The following FYB1 variants were observed in gnomAD, a reference collection of about 807,000 sequenced individuals.
The protein encoded by FYB1 is FYN-binding protein 1.
In FYB1, 41 loss-of-function variants were observed where a neutral mutation model predicts 94.1. That is an observed-to-expected ratio of 0.44 (90% confidence interval 0.34 to 0.57). The LOEUF (loss-of-function observed/expected upper bound fraction) is 0.57. FYB1 is among the 20% of genes least tolerant of loss of function. The probability of loss-of-function intolerance (pLI) is 0.02; values close to 1 mark genes in which losing one functional copy is unlikely to be tolerated. For missense variants in FYB1, 1,050 were observed against 976.8 expected (o/e 1.07, Z -1.00); for synonymous variants, 367 against 353.2 (o/e 1.04, Z -0.44).
Position 39,193,151 on chromosome 5 carries a change from C to A in FYB1, c.1135+8675G>T, listed in dbSNP as rs1046377043. 7.2e-5 allele frequency among the ~76,000 whole-genome samples: 11 copies of A among 152,268 alleles called. No individual in the cohort carries two copies. In the South Asian group the frequency reaches 1.7e-3, roughly 23 times the overall value. On this transcript the variant is annotated intron_variant, in intron 2 of 18. Coordinates refer to ENST00000512982, the MANE Select transcript of FYB1 (RefSeq NM_001465.6). The stretch of plus-strand genomic sequence containing the variant: ...GACTTGGGGAGGGGTTAGAGGACAC[C>A]TGAGTGTCCTTGACCAGTGAGCATG...
chr5:39,255,157 G>T (rs66913031), intron 1 of FYB1, among the ~76,000 whole-genome samples: 1 of 151,880 alleles, frequency 6.6e-6, no homozygotes, highest in Admixed American at 6.6e-5. Context: ...GGGGGAAAAG[G>T]TTTATTGTGG....
chr5:39,230,601 C>G (rs1468842935), intron 1 of FYB1, among the ~76,000 whole-genome samples: 1 of 151,910 alleles, frequency 6.6e-6, no homozygotes, highest in East Asian at 1.9e-4. Flanking sequence ...TATACATATT[C>G]TTCCACATCC....
At chr5:39,254,333 T>C (rs913625442) in intron 1 of FYB1, among the ~76,000 whole-genome samples, 1 of 152,214 alleles carries the variant, frequency 6.6e-6, no homozygotes, top group South Asian at 2.1e-4. Flanking sequence ...GCGTTCTTTT[T>C]TCTCCACAAC....
intron 1 of FYB1, among the ~76,000 whole-genome samples, chr5:39,258,729 T>C (rs1163256629): frequency 1.3e-5 from 2 of 152,062 alleles, no homozygotes; most frequent in Middle Eastern, 3.2e-3. Context: ...AGCTTTTGGC[T>C]CTCTCACTGA....
intron 1 of FYB1, among the ~76,000 whole-genome samples, chr5:39,247,105 T>TATAC (rs1554044463): frequency 1.5e-4 from 21 of 141,990 alleles, no homozygotes; most frequent in African/African-American, 5.5e-4. Flanking sequence ...TATATATATA[T>TATAC]ATATATATAT....
intron 9 of FYB1, among the ~76,000 whole-genome samples, chr5:39,131,082 G>A (rs989395690): frequency 1.3e-5 from 2 of 152,028 alleles, no homozygotes; most frequent in Admixed American, 1.3e-4. Context: ...TTTAAAGGGA[G>A]AACTTTAAAA....
At position 39,115,605 on chromosome 5, in the gene FYB1, A is replaced by G. The variant is rs552612236; in HGVS notation, c.2401+3269T>C. Reference sequence around the variant, plus strand: ...TAAGGGCAAAGATAGACATATCACTAGAAAGGCTATTGCAATCATCTAGGA... The same window carrying G: ...TAAGGGCAAAGATAGACATATCACTGGAAAGGCTATTGCAATCATCTAGGA... On this transcript the variant is annotated intron_variant, in intron 16 of 18. Coordinates refer to ENST00000512982, the MANE Select transcript of FYB1 (RefSeq NM_001465.6). 8.5e-5 allele frequency among the ~76,000 whole-genome samples: 13 copies of G among 152,240 alleles called. No homozygotes were observed. In the South Asian group the frequency reaches 2.7e-3, roughly 32 times the overall value.
intron 2 of FYB1, among the ~76,000 whole-genome samples, chr5:39,170,658 G>A (rs148897689): frequency 0.01 from 1,538 of 152,004 alleles, 8 homozygotes; most frequent in Non-Finnish European, 0.016. Context: ...GCCTACAGCT[G>A]ATGCTCTACA....
intron 1 of FYB1, among the ~76,000 whole-genome samples, chr5:39,243,466 T>C (rs1293763652): frequency 6.6e-6 from 1 of 151,984 alleles, no homozygotes; most frequent in East Asian, 1.9e-4. Flanking sequence ...TGTGGTATTA[T>C]TTCTGAGGGC....
rs141328970 is a variant in FYB1, at chr5:39,120,496, T to C, written c.2139-862A>G. On this transcript the variant is annotated intron_variant, in intron 14 of 18. Coordinates refer to ENST00000512982, the MANE Select transcript of FYB1 (RefSeq NM_001465.6). ...AAGCTTTTAAAGCATACTACTGCTC[T>C]TGCCCAATTCCTGGACATTCTAATT... is the stretch of plus-strand genomic sequence containing the variant. Among the ~76,000 whole-genome samples, 357 of 152,280 alleles carry C rather than the reference T, an allele frequency of 2.3e-3. 1 individual carries two copies. The highest frequency in any genetic ancestry group is 8.1e-3 in the African/African-American group (335 of 41,564).
chr5:39,122,356 AG>A lies in FYB1; in HGVS notation c.2117del (p.Pro706LeufsTer7). ...ATTACCTCATCTCTGCTGATGAAAC[AG>A]GGAAATCAGAGGTATCCACATCATC... ...VYDDVDTSDF[P>X]VSSAEMSQGT... On this transcript the variant is annotated frameshift_variant, in exon 14 of 19. Transcript: ENST00000512982. LOFTEE classifies it high-confidence loss of function. The A allele has an allele frequency of 6.3e-7, 1 of 1,576,404 alleles. No homozygotes were observed.
chr5:39,219,837 T>A (rs995964818), upstream of FYB1, among the ~76,000 whole-genome samples: 1 of 152,166 alleles, frequency 6.6e-6, no homozygotes, highest in African/African-American at 2.4e-5. Context: ...AAGCTGTAAG[T>A]TCTTTGGACC....
chr5:39,220,806 G>A (rs761186569), upstream of FYB1, among the ~76,000 whole-genome samples: 2 of 152,190 alleles, frequency 1.3e-5, no homozygotes, highest in Non-Finnish European at 2.9e-5. Flanking sequence ...ACTATGGCCC[G>A]CATGCCAAAT....
intron 1 of FYB1, chr5:39,269,724 T>G (rs1752594121): frequency 1.3e-5 from 2 of 152,244 alleles, no homozygotes; most frequent in South Asian, 4.1e-4. Flanking sequence ...ACAGGAGTCA[T>G]CGTCTCAACT....
intron 16 of FYB1, chr5:39,110,835 G>T (rs1395213053): frequency 5.7e-6 from 2 of 350,634 alleles, no homozygotes; most frequent in Non-Finnish European, 1.1e-5. Context: ...AGCAGAGAGA[G>T]AACTGTATTC....
upstream of FYB1, among the ~76,000 whole-genome samples, chr5:39,219,888 G>A (rs1030885521): frequency 6.6e-6 from 1 of 152,120 alleles, no homozygotes; most frequent in Non-Finnish European, 1.5e-5. Context: ...CCTGCAATGG[G>A]GGCCAAAGGG....
chr5:39,118,781 T>C (rs1313902847), intron 16 of FYB1, 93 bp downstream of exon 16: 1 of 732,846 alleles, frequency 1.4e-6, no homozygotes, highest in Non-Finnish European at 2.1e-6. Flanking sequence ...AGATAAGAGT[T>C]AGTAAACACA....
rs896785512 is a variant in FYB1 at position 39,118,973 on chromosome 5, A to G, written c.2302T>C (p.Trp768Arg). 6.4e-7 allele frequency: 1 copy of G among 1,566,066 alleles called. No individual in the cohort carries two copies. The highest frequency in any genetic ancestry group is 8.7e-7 in the Non-Finnish European group (1 of 1,147,602). The change falls in exon 16 of 19, where the codon TGG becomes CGG. Residue 768 changes from tryptophan (W) to arginine (R), a missense_variant. Physicochemically the swap from Trp to Arg is moderately radical, Grantham distance 101 (BLOSUM62 -3). Coordinates refer to ENST00000512982, the MANE Select transcript of FYB1 (RefSeq NM_001465.6). Reference protein sequence around the residue: ...KVTTSITSKKWGTRDLQVKPG... With the variant: ...KVTTSITSKKRGTRDLQVKPG... ...TTTACCTGTAGATCTCTGGTTCCCC[A>G]CTTTTTAGAAGTTATGGAAGTTGTA...
chr5:39,271,351 C>T (rs1752658455), intron 1 of FYB1, among the ~76,000 whole-genome samples: 1 of 152,184 alleles, frequency 6.6e-6, no homozygotes, highest in East Asian at 1.9e-4. Context: ...ACTTTCCAAT[C>T]ATCCATGTAC....
Sources: gnomAD v4.1 joint callset for allele counts (sites outside exome capture counted in the v4.1 genomes callset) on GRCh38, gnomAD v4.1.1 for gene constraint, MANE v1.5 for transcripts, NCBI Gene and HGNC (gene_info 2026-07-23, HGNC 2026-07-21) for gene names.